The following EXOC4 variants were observed in gnomAD, a reference collection of about 807,000 sequenced individuals.
EXOC4 encodes exocyst complex component 4, also known as SEC8-like 1.
EXOC4 carries 71 observed loss-of-function variants against 107.2 expected under a neutral mutation model. That is an observed-to-expected ratio of 0.66 (90% CI 0.55 to 0.81). The LOEUF (loss-of-function observed/expected upper bound fraction) is 0.81, where lower values mean the gene tolerates loss of function less well. EXOC4 is among the 30% of genes least tolerant of loss of function. EXOC4 has a pLI of 0.00. For synonymous variants in EXOC4, 456 were observed against 441.2 expected (o/e 1.03, Z -0.42); for missense variants, 1,108 against 1,189.6 (o/e 0.93, Z 1.01).
At chr7:133,932,412 C>T (rs1359528380) in intron 13 of EXOC4, among the ~76,000 whole-genome samples, 1 of 152,064 alleles carries the variant, frequency 6.6e-6, no homozygotes, top group Middle Eastern at 3.2e-3. Context: ...TTATTTGTTC[C>T]CTGAGCTTAA....
intron 10 of EXOC4, among the ~76,000 whole-genome samples, chr7:133,752,592 T>C (rs569372984): frequency 3.3e-4 from 50 of 152,264 alleles, no homozygotes; most frequent in African/African-American, 1.2e-3. Context: ...AAACCCACCA[T>C]CTATTAGGGA....
At chr7:134,046,449 G>A (rs1270328973) in intron 17 of EXOC4, among the ~76,000 whole-genome samples, 2 of 150,584 alleles carry the variant, frequency 1.3e-5, no homozygotes, top group African/African-American at 4.9e-5. Context: ...TAGCCAGGAC[G>A]ACAGAGTAAG....
chr7:133,298,998 G>A (rs748222124), intron 3 of EXOC4, among the ~76,000 whole-genome samples: 6 of 152,142 alleles, frequency 3.9e-5, no homozygotes, highest in Non-Finnish European at 5.9e-5. Flanking sequence ...CATGCTCCCA[G>A]TGTATTGCCA....
At position 133,323,944 on chromosome 7, in the gene EXOC4, G is replaced by C. The variant is rs545911309; in HGVS notation, c.763+6554G>C. The stretch of plus-strand genomic sequence containing the variant: ...TTCTTCCTGGTTTAGTCTTGGGAGG[G>C]TGTATGTGTCAAGGAATTTATCCAT... On this transcript the variant is annotated intron_variant, in intron 5 of 17. Transcript: ENST00000253861. Among the ~76,000 whole-genome samples, 5 of 152,282 alleles carry C rather than the reference G, an allele frequency of 3.3e-5. No individual in the cohort carries two copies. In the East Asian group the frequency reaches 9.6e-4, roughly 29 times the overall value.
At chr7:133,455,772 C>T (rs1798449441) in intron 7 of EXOC4, among the ~76,000 whole-genome samples, 1 of 152,262 alleles carries the variant, frequency 6.6e-6, no homozygotes, top group Non-Finnish European at 1.5e-5. Context: ...TTTTAAGTTA[C>T]TGCTATTTTG....
intron 10 of EXOC4, among the ~76,000 whole-genome samples, chr7:133,755,227 TA>T (rs1795874287): frequency 8.8e-6 from 1 of 113,914 alleles, no homozygotes; most frequent in East Asian, 2.3e-4. Context: ...TGTGTGTATA[TA>T]TATATAATAT....
chr7:133,929,956 C>T (rs908043176), intron 13 of EXOC4, among the ~76,000 whole-genome samples: 4 of 152,074 alleles, frequency 2.6e-5, no homozygotes, highest in African/African-American at 7.3e-5. Context: ...GAACAGATTT[C>T]AATTCTTCAA....
At chr7:133,546,109 C>T (rs1800475611) in intron 9 of EXOC4, among the ~76,000 whole-genome samples, 4 of 152,094 alleles carry the variant, frequency 2.6e-5, no homozygotes, top group Admixed American at 2.0e-4. Flanking sequence ...TAGCCAGTCA[C>T]TCTGTTGATT....
chr7:133,489,528 A>G (rs1293085179), intron 9 of EXOC4, among the ~76,000 whole-genome samples: 1 of 152,210 alleles, frequency 6.6e-6, no homozygotes, highest in Non-Finnish European at 1.5e-5. Context: ...TAAGTCGTCC[A>G]TGAGAAGGCA....
intron 14 of EXOC4, among the ~76,000 whole-genome samples, chr7:133,955,134 C>A (rs1262432225): frequency 1.3e-5 from 2 of 152,176 alleles, no homozygotes; most frequent in Non-Finnish European, 2.9e-5. Context: ...TATGTTATAC[C>A]TCTTTTAGCC....
intron 14 of EXOC4, among the ~76,000 whole-genome samples, chr7:133,984,014 G>A (rs1358390571): frequency 2.6e-5 from 4 of 152,098 alleles, no homozygotes; most frequent in African/African-American, 4.8e-5. Context: ...AAAATCAATC[G>A]TAATGTTTCT....
At chr7:133,756,514 G>A (rs1029096154) in intron 10 of EXOC4, among the ~76,000 whole-genome samples, 7 of 152,292 alleles carry the variant, frequency 4.6e-5, no homozygotes, top group African/African-American at 1.7e-4. Flanking sequence ...CCTCTCTAAT[G>A]TTGGTAATTC....
chr7:133,361,271 G>A (rs558341625), intron 6 of EXOC4, among the ~76,000 whole-genome samples: 10 of 152,192 alleles, frequency 6.6e-5, no homozygotes, highest in South Asian at 2.1e-4. Flanking sequence ...GCTTACCTCT[G>A]TATTGATTAA....
chr7:133,706,775 A>T (rs1178270888), intron 10 of EXOC4, among the ~76,000 whole-genome samples: 1 of 152,142 alleles, frequency 6.6e-6, no homozygotes, highest in African/African-American at 2.4e-5. Context: ...TGCATGGCTT[A>T]TGAGTGGAGC....
chr7:133,724,758 C>T (rs1585104226), intron 10 of EXOC4, among the ~76,000 whole-genome samples: 1 of 152,256 alleles, frequency 6.6e-6, no homozygotes, highest in Non-Finnish European at 1.5e-5. Context: ...ACGGTTCATG[C>T]AGTTATTTGG....
At chr7:133,700,387 A>G (rs1002495858) in intron 10 of EXOC4, among the ~76,000 whole-genome samples, 9 of 152,212 alleles carry the variant, frequency 5.9e-5, no homozygotes, top group African/African-American at 2.2e-4. Flanking sequence ...AGTTCTTTAT[A>G]TCAAAGTCAT....
chr7:133,872,931 G>T (rs1798778652), intron 11 of EXOC4, among the ~76,000 whole-genome samples: 1 of 152,212 alleles, frequency 6.6e-6, no homozygotes, highest in African/African-American at 2.4e-5. Context: ...TAAAACATAT[G>T]ACCCTATCTC....
chr7:133,446,549 G>A (rs139980952), intron 7 of EXOC4, among the ~76,000 whole-genome samples: 235 of 152,238 alleles, frequency 1.5e-3, no homozygotes, highest in African/African-American at 5.4e-3. Flanking sequence ...TCAGTCCAGC[G>A]ACCTGTCTGC....
intron 11 of EXOC4, among the ~76,000 whole-genome samples, chr7:133,863,265 G>T (rs959490039): frequency 2.6e-5 from 4 of 152,092 alleles, no homozygotes; most frequent in African/African-American, 7.2e-5. Context: ...GGATCACCTA[G>T]ATATCCAAAT....
Sources: gnomAD v4.1 joint callset for allele counts (sites outside exome capture counted in the v4.1 genomes callset) on GRCh38, gnomAD v4.1.1 for gene constraint, MANE v1.5 for transcripts, NCBI Gene and HGNC (gene_info 2026-07-23, HGNC 2026-07-21) for gene names.